The following TMEM168 variants were observed in gnomAD, a reference collection of about 807,000 sequenced individuals.
TMEM168 encodes the protein transmembrane protein 168.
A neutral mutation model predicts 53.2 loss-of-function variants in TMEM168; 40 were observed. The observed-to-expected ratio is 0.75, with a 90% CI of 0.58 to 0.98. The LOEUF (loss-of-function observed/expected upper bound fraction) is 0.98. TMEM168 is among the 50% of genes least tolerant of loss of function. The pLI, the probability that TMEM168 is intolerant of heterozygous loss-of-function variation, is 0.00. For missense variants in TMEM168, 771 were observed against 828.8 expected, an observed-to-expected ratio of 0.93 and a Z score of 0.86; for synonymous variants, 282 against 293.0, an observed-to-expected ratio of 0.96 and a Z score of 0.38.
At chr7:112,778,562 C>T (rs1176580876) in intron 2 of TMEM168, 1 of 152,056 alleles carries the variant, frequency 6.6e-6, no homozygotes, top group African/African-American at 2.4e-5. Flanking sequence ...TTTTTCTAAA[C>T]CAGTGCTTCT....
intron 2 of TMEM168, among the ~76,000 whole-genome samples, chr7:112,779,956 G>A (rs1036396055): frequency 2.0e-5 from 3 of 152,116 alleles, no homozygotes; most frequent in African/African-American, 7.2e-5. Flanking sequence ...AACAGTATAC[G>A]TAAATGCGGC....
intron 4 of TMEM168, among the ~76,000 whole-genome samples, chr7:112,768,541 A>T (rs529916911): frequency 1.2e-3 from 182 of 152,336 alleles, no homozygotes; most frequent in African/African-American, 1.9e-3. Flanking sequence ...GGATTAAAAA[A>T]ATATATATAC....
intron 2 of TMEM168, among the ~76,000 whole-genome samples, chr7:112,779,690 A>C (rs1285153238): frequency 2.0e-5 from 3 of 152,218 alleles, no homozygotes; most frequent in Admixed American, 2.0e-4. Context: ...CCCTTTGAAT[A>C]AAAGTTGTTA....
At chr7:112,778,691 C>T (rs1283438626) in intron 2 of TMEM168, 1 of 151,994 alleles carries the variant, frequency 6.6e-6, no homozygotes, top group Non-Finnish European at 1.5e-5. Flanking sequence ...AAATGAAAAG[C>T]CTAATAATTC....
rs1198433798 is a variant in TMEM168 at position 112,765,480 on chromosome 7, G to C, written c.*1717C>G. The C allele has an allele frequency of 6.6e-6, 1 of 152,060 alleles. No homozygotes were observed. The highest frequency in any genetic ancestry group is 2.4e-5 in the African/African-American group (1 of 41,408). The allele number at this position is 152,060 out of a possible 1,614,324, so 9.4% of individuals were successfully genotyped here. ...CACAAATAGCTGAGAAATTTAAAAG[G>C]AGATTTTACTTAACATTAACTTTTT... is the stretch of plus-strand genomic sequence containing the variant. On this transcript the variant is annotated 3_prime_UTR_variant, in exon 5 of 5. Coordinates refer to ENST00000312814, the MANE Select transcript of TMEM168 (RefSeq NM_022484.6).
chr7:112,787,689 C>G (rs1177853311), intron 1 of TMEM168, among the ~76,000 whole-genome samples: 1 of 137,040 alleles, frequency 7.3e-6, no homozygotes, highest in African/African-American at 2.7e-5. Context: ...TCTGGGATTA[C>G]AGGCGTGAGC....
chr7:112,779,012 C>T lies in TMEM168; in HGVS notation c.1129-3694G>A, dbSNP rs78706060. ...CATGTGATCCTACCACCTCAGCCAC[C>T]CAAGTAGCTTGGGACCACAGGCACA... is the stretch of plus-strand genomic sequence containing the variant. On this transcript the variant is annotated intron_variant, in intron 2 of 4. Transcript: ENST00000312814. 5.8e-3 allele frequency among the ~76,000 whole-genome samples: 884 copies of T among 152,200 alleles called. 4 individuals are homozygous for T. Among genetic ancestry groups the T allele is most frequent in the Non-Finnish European group, 7.8e-3 (528 of 68,010 alleles).
Position 112,772,990 on chromosome 7 carries a change from C to G in TMEM168, c.1337G>C (p.Gly446Ala). The G allele has an allele frequency of 6.2e-7, 1 of 1,613,770 alleles. No homozygotes were observed. The highest frequency in any genetic ancestry group is 8.5e-7 in the Non-Finnish European group (1 of 1,179,762). The change falls in exon 4 of 5, where the codon GGC becomes GCC. Residue 446 changes from glycine to alanine, a missense_variant. Coordinates refer to ENST00000312814, the MANE Select transcript of TMEM168 (RefSeq NM_022484.6). ...HVQELNLRST[G>A]MLNAIQRFFA... is the part of the protein sequence containing the mutation. ...AAATCTTTGGATAGCATTGAGCATG[C>G]CAGTAGACCTCAAATTTAACTCCTG... is the stretch of plus-strand genomic sequence containing the variant.
chr7:112,762,521 A>T lies in TMEM168; in HGVS notation c.*4676T>A, dbSNP rs1054249510. On this transcript the variant is annotated 3_prime_UTR_variant, in exon 5 of 5. Coordinates refer to ENST00000312814, the MANE Select transcript of TMEM168 (RefSeq NM_022484.6). ...CCTTGCACACTGCTAAAAATCTTTG[A>T]GATAAATCAATGTCTTTTAGGCTAG... 2 of 152,076 alleles carry T rather than the reference A, an allele frequency of 1.3e-5. No individual in the cohort carries two copies. The highest frequency in any genetic ancestry group is 4.8e-5 in the African/African-American group (2 of 41,456). The allele number at this position is 152,076 out of a possible 1,614,324, so 9.4% of individuals were successfully genotyped here. A position where few individuals can be genotyped will look rare whatever the true frequency, so the allele number is the denominator to read the frequency against.
chr7:112,788,300 C>A (rs1294523644), intron 1 of TMEM168, among the ~76,000 whole-genome samples: 1 of 152,122 alleles, frequency 6.6e-6, no homozygotes, highest in African/African-American at 2.4e-5. Context: ...TACTTAAGTG[C>A]ACACATATAT....
Position 112,784,715 on chromosome 7 carries a change from G to C in TMEM168, c.111C>G (p.Gly37=), listed in dbSNP as rs1793331581. The C allele has an allele frequency of 4.3e-6, 7 of 1,613,832 alleles. No homozygotes were observed. Among genetic ancestry groups the C allele is most frequent in the Non-Finnish European group, 4.2e-6 (5 of 1,179,984 alleles). ...CCAATAAATTGATTCTGGCTAAATA[G>C]CCAAGATACCGCACTGAAGAATGCA... ...VNMHSSVRYL[G]YLARINLLVA... is the part of the protein sequence containing the mutation. Residue 37 remains glycine (G), a synonymous_variant, in exon 2 of 5, where the codon GGC becomes GGG. Transcript: ENST00000312814.
At chr7:112,781,178 T>C (rs1186755763) in intron 2 of TMEM168, among the ~76,000 whole-genome samples, 2 of 149,584 alleles carry the variant, frequency 1.3e-5, no homozygotes, top group African/African-American at 2.5e-5. Flanking sequence ...GGAACTATAA[T>C]AGAGATTTTC....
Position 112,775,331 on chromosome 7 carries a change from C to T in TMEM168, c.1129-13G>A, listed in dbSNP as rs1344961907. On this transcript the variant is annotated splice_polypyrimidine_tract_variant and intron_variant, in intron 2 of 4. Coordinates refer to ENST00000312814, the MANE Select transcript of TMEM168 (RefSeq NM_022484.6). ...TTCCATTTGTTGGCTAAAAGAAATCCAAAACATGTTTACATAGTACATGTA... is the reference window on the plus strand; with the variant it reads ...TTCCATTTGTTGGCTAAAAGAAATCTAAAACATGTTTACATAGTACATGTA... 1.2e-6 allele frequency: 2 copies of T among 1,610,538 alleles called. No homozygotes were observed. The highest frequency in any genetic ancestry group is 1.7e-6 in the Non-Finnish European group (2 of 1,178,178).
chr7:112,779,347 TAACTG>T (rs1261797641), intron 2 of TMEM168, among the ~76,000 whole-genome samples: 1 of 152,210 alleles, frequency 6.6e-6, no homozygotes, highest in Non-Finnish European at 1.5e-5. Context: ...TTCGTAATCT[TAACTG>T]AACAGATGGC....
At position 112,767,153 on chromosome 7, in the gene TMEM168, T is replaced by G; in HGVS notation, c.*44A>C. 1.3e-6 allele frequency: 2 copies of G among 1,530,446 alleles called. No individual in the cohort carries two copies. Among genetic ancestry groups the G allele is most frequent in the African/African-American group, 1.4e-5 (1 of 71,940 alleles). The allele number at this position is 1,530,446 out of a possible 1,614,324, so 94.8% of individuals were successfully genotyped here. On this transcript the variant is annotated 3_prime_UTR_variant, in exon 5 of 5. Coordinates refer to ENST00000312814, the MANE Select transcript of TMEM168 (RefSeq NM_022484.6). ...ACAAAAAATGGCAAGTTAGTGATAA[T>G]TGGTAGTATGAGTGCTTATTAATAT...
rs1792748276 is a variant in TMEM168, at chr7:112,765,344, T to G, written c.*1853A>C. ...TGGCTGTCAAACTGTCAGCTGTTTT[T>G]AAAATGTAATTTTTAGTACCACCTT... On this transcript the variant is annotated 3_prime_UTR_variant, in exon 5 of 5. Transcript: ENST00000312814. 1 of 152,210 alleles carries G rather than the reference T, an allele frequency of 6.6e-6. No individual in the cohort carries two copies. The highest frequency in any genetic ancestry group is 2.4e-5 in the African/African-American group (1 of 41,468). 9.4% of individuals were successfully genotyped at this position (152,210 alleles called of 1,614,324 possible).
At chr7:112,770,102 C>A (rs1206134823) in intron 4 of TMEM168, among the ~76,000 whole-genome samples, 1 of 152,200 alleles carries the variant, frequency 6.6e-6, no homozygotes, top group Non-Finnish European at 1.5e-5. Context: ...CTCTTTGTCA[C>A]TTAATTTGGA....
intron 1 of TMEM168, among the ~76,000 whole-genome samples, chr7:112,787,799 C>T (rs1366862296): frequency 1.5e-5 from 2 of 130,042 alleles, no homozygotes; most frequent in Non-Finnish European, 3.1e-5. Flanking sequence ...ATGGAGCGAT[C>T]TCGGCTCACC....
At chr7:112,788,642 T>C (rs1443225491) in intron 1 of TMEM168, 1 of 152,154 alleles carries the variant, frequency 6.6e-6, no homozygotes, top group Non-Finnish European at 1.5e-5. Flanking sequence ...TAGATGAAAA[T>C]GGACCATAGA....
Sources: allele counts gnomAD v4.1 joint callset (sites outside exome capture counted in the v4.1 genomes callset), GRCh38; gene constraint gnomAD v4.1.1; transcripts MANE v1.5; gene names NCBI Gene and HGNC (gene_info 2026-07-23, HGNC 2026-07-21).